The following REDIC1 variants were observed in gnomAD, a reference collection of about 807,000 sequenced individuals.
REDIC1 encodes regulator of DNA class I crossover intermediates 1, also known as HEI10 Interacting Protein 1.
the REDIC1 span, among the ~76,000 whole-genome samples, chr12:39,762,801 A>G: frequency 1.9e-4 from 29 of 152,214 alleles, no homozygotes; most frequent in East Asian, 5.4e-3. Flanking sequence ...AGAGTAGTAG[A>G]CCAAATGGAC....
At chr12:39,891,383 A>G in the REDIC1 span, among the ~76,000 whole-genome samples, 1 of 151,842 alleles carries the variant, frequency 6.6e-6, no homozygotes, top group African/African-American at 2.4e-5. Flanking sequence ...CTATCCTTTC[A>G]CAGAGGAGAA....
chr12:39,683,495 A>T, the REDIC1 span: 2 of 1,562,662 alleles, frequency 1.3e-6, no homozygotes, highest in Admixed American at 3.4e-5. Flanking sequence ...GTAAGTTTTT[A>T]GGTAAATCTG....
the REDIC1 span, among the ~76,000 whole-genome samples, chr12:39,827,245 G>A: frequency 2.0e-5 from 3 of 152,172 alleles, no homozygotes; most frequent in Admixed American, 6.5e-5. Flanking sequence ...AAGGCAGTGT[G>A]AAATGAGAAC....
chr12:39,722,138 G>T, the REDIC1 span, among the ~76,000 whole-genome samples: 1 of 152,178 alleles, frequency 6.6e-6, no homozygotes, highest in East Asian at 1.9e-4. Context: ...TGCCTTTAAA[G>T]AAAACAATGT....
the REDIC1 span, among the ~76,000 whole-genome samples, chr12:39,831,820 C>A: frequency 2.0e-5 from 3 of 152,098 alleles, no homozygotes; most frequent in Non-Finnish European, 4.4e-5. Flanking sequence ...CCCCCTTAGC[C>A]TTCTACCATA....
chr12:39,675,261 G>T, the REDIC1 span, among the ~76,000 whole-genome samples: 1 of 152,148 alleles, frequency 6.6e-6, no homozygotes. Flanking sequence ...AGTGGCTGCA[G>T]CAAGCACTGC....
chr12:39,635,414 C>G, the REDIC1 span, among the ~76,000 whole-genome samples: 5 of 152,072 alleles, frequency 3.3e-5, no homozygotes, highest in Non-Finnish European at 5.9e-5. Context: ...CAATGGTAGA[C>G]TGAATTAAGA....
the REDIC1 span, among the ~76,000 whole-genome samples, chr12:39,747,915 C>T: frequency 2.9e-4 from 44 of 152,278 alleles, no homozygotes; most frequent in Middle Eastern, 3.4e-3. Context: ...CCTAAAAGAG[C>T]TCCTGAAGGA....
chr12:39,672,892 C>T, the REDIC1 span, among the ~76,000 whole-genome samples: 1 of 152,102 alleles, frequency 6.6e-6, no homozygotes, highest in Non-Finnish European at 1.5e-5. Context: ...GGAGCTGCTT[C>T]AGATTTGGGG....
chr12:39,869,795 C>T, the REDIC1 span, among the ~76,000 whole-genome samples: 3 of 152,206 alleles, frequency 2.0e-5, no homozygotes, highest in Admixed American at 6.5e-5. Context: ...TGCTTTTGCA[C>T]TAAGTTTGTT....
the REDIC1 span, chr12:39,720,913 G>T: frequency 5.0e-6 from 8 of 1,613,540 alleles, no homozygotes; most frequent in Non-Finnish European, 5.9e-6. Flanking sequence ...TGACAGGATT[G>T]TTAAAAACGA....
chr12:39,825,679 A>G, the REDIC1 span, among the ~76,000 whole-genome samples: 1 of 152,098 alleles, frequency 6.6e-6, no homozygotes, highest in African/African-American at 2.4e-5. Context: ...CATCTTTTTT[A>G]TTCTAAATAT....
chr12:39,793,059 T>TA, the REDIC1 span, among the ~76,000 whole-genome samples: 1 of 152,164 alleles, frequency 6.6e-6, no homozygotes, highest in Non-Finnish European at 1.5e-5. Context: ...TATTGTCTAT[T>TA]AAAAGTCTTA....
At chr12:39,756,232 C>T in the REDIC1 span, 13 of 151,890 alleles carry the variant, frequency 8.6e-5, no homozygotes, top group African/African-American at 3.1e-4. Context: ...TAAATTTTAA[C>T]CACAATTTAA....
chr12:39,656,629 T>G, the REDIC1 span, among the ~76,000 whole-genome samples: 64 of 152,304 alleles, frequency 4.2e-4, 1 homozygote, highest in South Asian at 0.012. Context: ...TCAGGAGGTA[T>G]TCCAGAAGAA....
the REDIC1 span, among the ~76,000 whole-genome samples, chr12:39,799,974 T>C: frequency 6.6e-6 from 1 of 152,210 alleles, no homozygotes; most frequent in African/African-American, 2.4e-5. Context: ...AGCTGATATG[T>C]ACAAATTACA....
chr12:39,764,399 T>G, the REDIC1 span: 1 of 1,349,804 alleles, frequency 7.4e-7, no homozygotes, highest in Non-Finnish European at 1.0e-6. Context: ...GATATTATAG[T>G]GTATCTAAAA....
chr12:39,630,693 C>T, the REDIC1 span, among the ~76,000 whole-genome samples: 1 of 152,104 alleles, frequency 6.6e-6, no homozygotes, highest in Non-Finnish European at 1.5e-5. Flanking sequence ...GAGAGTTTGG[C>T]TACTCAGAGG....
the REDIC1 span, among the ~76,000 whole-genome samples, chr12:39,725,297 G>C: frequency 6.6e-6 from 1 of 152,102 alleles, no homozygotes; most frequent in Non-Finnish European, 1.5e-5. Flanking sequence ...TCACAAACTA[G>C]CCACTACTAG....
Sources: allele counts gnomAD v4.1 joint callset (sites outside exome capture counted in the v4.1 genomes callset), GRCh38; gene constraint gnomAD v4.1.1; transcripts MANE v1.5; gene names NCBI Gene and HGNC (gene_info 2026-07-23, HGNC 2026-07-21).